Variants in ADGRB3 observed in about 807,000 individuals in gnomAD.
The protein encoded by ADGRB3 is brain-specific angiogenesis inhibitor 3.
Under a neutral mutation model 193.4 loss-of-function variants are expected in ADGRB3, and 37 were observed. That is an observed-to-expected ratio of 0.19 (90% confidence interval 0.15 to 0.25). The LOEUF (loss-of-function observed/expected upper bound fraction) is 0.25, where lower values mean the gene tolerates loss of function less well. Among genes scored for constraint, ADGRB3 ranks in the 10% least tolerant of loss-of-function variants. ADGRB3 has a pLI of 1.00. For missense variants in ADGRB3, 1,637 were observed against 1,852.9 expected (o/e 0.88, Z 2.14); for synonymous variants, 690 against 644.2 (o/e 1.07, Z -1.08).
chr6:68,881,583 A>C (rs1359502839), intron 3 of ADGRB3, among the ~76,000 whole-genome samples: 1 of 152,158 alleles, frequency 6.6e-6, no homozygotes, highest in Non-Finnish European at 1.5e-5. Context: ...AGTCATGACA[A>C]AAATCCTAAT....
intron 16 of ADGRB3, among the ~76,000 whole-genome samples, chr6:69,065,580 CATA>C (rs984150478): frequency 6.6e-6 from 1 of 151,882 alleles, no homozygotes; most frequent in African/African-American, 2.4e-5. Flanking sequence ...TATTGAATAT[CATA>C]ATATTATTAC....
At chr6:69,044,023 A>G (rs1771163884) in intron 13 of ADGRB3, among the ~76,000 whole-genome samples, 1 of 152,194 alleles carries the variant, frequency 6.6e-6, no homozygotes, top group Admixed American at 6.5e-5. Flanking sequence ...CCTGGGCGAC[A>G]GAGCGAGACT....
At chr6:68,996,972 T>C (rs980654489) in intron 11 of ADGRB3, among the ~76,000 whole-genome samples, 8 of 151,914 alleles carry the variant, frequency 5.3e-5, no homozygotes, top group Non-Finnish European at 1.0e-4. Context: ...CAGTAGAAAA[T>C]GATGAGAAAA....
At chr6:68,776,811 ATCT>A (rs1241890768) in intron 3 of ADGRB3, among the ~76,000 whole-genome samples, 2 of 152,160 alleles carry the variant, frequency 1.3e-5, no homozygotes, top group East Asian at 1.9e-4. Flanking sequence ...AAAGCTATTA[ATCT>A]TCTTTAATTT....
intron 30 of ADGRB3, among the ~76,000 whole-genome samples, chr6:69,377,395 AT>A (rs1769851854): frequency 6.6e-6 from 1 of 151,996 alleles, no homozygotes; most frequent in African/African-American, 2.4e-5. Flanking sequence ...TCTTCACCAA[AT>A]TGGATCATAG....
intron 3 of ADGRB3, among the ~76,000 whole-genome samples, chr6:68,689,251 G>A (rs935114621): frequency 6.6e-6 from 1 of 152,068 alleles, no homozygotes; most frequent in South Asian, 2.1e-4. Flanking sequence ...GGGAGGGTAG[G>A]TGTCATTAGA....
chr6:69,033,732 T>C (rs1413629998), intron 13 of ADGRB3, among the ~76,000 whole-genome samples: 4 of 152,246 alleles, frequency 2.6e-5, no homozygotes, highest in South Asian at 2.1e-4. Flanking sequence ...ATGCAGTTGT[T>C]TTAGATATCG....
chr6:69,306,349 A>C (rs1768066869), intron 20 of ADGRB3, among the ~76,000 whole-genome samples: 1 of 151,518 alleles, frequency 6.6e-6, no homozygotes, highest in South Asian at 2.1e-4. Context: ...TTTTGCCTTT[A>C]ATTCAAAGTC....
intron 11 of ADGRB3, among the ~76,000 whole-genome samples, chr6:68,995,333 A>G (rs1044162437): frequency 6.6e-6 from 1 of 152,214 alleles, no homozygotes; most frequent in African/African-American, 2.4e-5. Flanking sequence ...AAATTCTCAT[A>G]AACTCTGTTC....
chr6:68,756,120 A>G (rs1016464947), intron 3 of ADGRB3, among the ~76,000 whole-genome samples: 20 of 152,244 alleles, frequency 1.3e-4, no homozygotes, highest in African/African-American at 4.8e-4. Context: ...CCTGCTAGCT[A>G]ACTCGGCTGT....
intron 13 of ADGRB3, among the ~76,000 whole-genome samples, chr6:69,031,564 T>TTTC (rs1398380007): frequency 1.4e-3 from 194 of 135,378 alleles, no homozygotes; most frequent in Middle Eastern, 3.7e-3. Flanking sequence ...TCTTTCTTTC[T>TTTC]TTTCTTCCTC....
Position 68,721,136 on chromosome 6 carries a change from AAAGG to A in ADGRB3, c.757+81707_757+81710del. On this transcript the variant is annotated intron_variant, in intron 3 of 31. Transcript: ENST00000370598. ...CCATTCCATTACTGGGTATATACCG[AAAGG>A]AATATAAATCATGCTGCTGTAAAGA... Among the ~76,000 whole-genome samples the A allele has an allele frequency of 1.3e-5, 2 of 151,936 alleles. 1 individual carries two copies. The highest frequency in any genetic ancestry group is 4.2e-4 in the South Asian group (2 of 4,810).
intron 3 of ADGRB3, among the ~76,000 whole-genome samples, chr6:68,858,160 T>A (rs1765040940): frequency 6.6e-6 from 1 of 152,084 alleles, no homozygotes. Flanking sequence ...CAGTCAGGCA[T>A]GATGTTTCAT....
intron 3 of ADGRB3, among the ~76,000 whole-genome samples, chr6:68,868,910 G>GTGT (rs372367034): frequency 0.32 from 34,296 of 106,014 alleles, 4,523 homozygotes; most frequent in Middle Eastern, 0.55. Flanking sequence ...TCCAGATAAT[G>GTGT]ATGTGTGTGT....
At chr6:69,091,539 A>G (rs1772709624) in intron 17 of ADGRB3, among the ~76,000 whole-genome samples, 1 of 152,242 alleles carries the variant, frequency 6.6e-6, no homozygotes, top group African/African-American at 2.4e-5. Flanking sequence ...TAACACAGGA[A>G]CAGAAAACCA....
At position 69,044,969 on chromosome 6, in the gene ADGRB3, T is replaced by C. The variant is rs142144628; in HGVS notation, c.2108-3216T>C. ...CAGGAATTGTTACAGAAGCAGGATA[T>C]ATAGATTATGCACTTATGCTTTTTA... On this transcript the variant is annotated intron_variant, in intron 13 of 31. Transcript: ENST00000370598. Among the ~76,000 whole-genome samples the C allele has an allele frequency of 1.7e-4, 26 of 152,338 alleles. No homozygotes were observed. In the East Asian group the frequency reaches 4.4e-3, roughly 26 times the overall value.
intron 13 of ADGRB3, among the ~76,000 whole-genome samples, chr6:69,032,539 G>A (rs79154001): frequency 0.077 from 11,653 of 152,142 alleles, 547 homozygotes; most frequent in Non-Finnish European, 0.11. Flanking sequence ...ACAATAACCC[G>A]TGAAGAGAAA....
At chr6:69,195,460 G>C (rs994405456) in intron 17 of ADGRB3, among the ~76,000 whole-genome samples, 1 of 150,828 alleles carries the variant, frequency 6.6e-6, no homozygotes, top group Non-Finnish European at 1.5e-5. Context: ...AGGAGTTGGA[G>C]GCTGCAATAA....
chr6:68,894,651 G>T (rs911251413), intron 3 of ADGRB3, among the ~76,000 whole-genome samples: 1 of 151,812 alleles, frequency 6.6e-6, no homozygotes, highest in Non-Finnish European at 1.5e-5. Context: ...AAAAAAAATT[G>T]CATTCATGGC....
Sources: gnomAD v4.1 joint callset for allele counts (sites outside exome capture counted in the v4.1 genomes callset) on GRCh38, gnomAD v4.1.1 for gene constraint, MANE v1.5 for transcripts, NCBI Gene and HGNC (gene_info 2026-07-23, HGNC 2026-07-21) for gene names.